Variants in TEX2 observed in about 807,000 individuals in gnomAD.
TEX2 encodes testis-expressed protein 2.
Under a neutral mutation model 106.9 loss-of-function variants are expected in TEX2, and 53 were observed. The ratio of observed to expected loss-of-function variants is 0.50; its 90% confidence interval spans 0.40 to 0.62. The LOEUF (loss-of-function observed/expected upper bound fraction) is 0.62, where lower values mean the gene tolerates loss of function less well. Among genes scored for constraint, TEX2 ranks in the 20% least tolerant of loss-of-function variants. The probability of loss-of-function intolerance (pLI) is 0.00; values close to 1 mark genes in which losing one functional copy is unlikely to be tolerated. For missense variants in TEX2, 1,207 were observed against 1,379.0 expected (o/e 0.88, Z 1.98); for synonymous variants, 523 against 534.8 (o/e 0.98, Z 0.30).
intron 5 of TEX2, among the ~76,000 whole-genome samples, chr17:64,181,011 CT>C (rs2031832296): frequency 1.3e-5 from 2 of 152,196 alleles, no homozygotes; most frequent in African/African-American, 4.8e-5. Context: ...GACCCTACTC[CT>C]GTGTGTTTCT....
At chr17:64,149,970 TTC>T (rs1362030865) in intron 11 of TEX2, 2 of 151,900 alleles carry the variant, frequency 1.3e-5, no homozygotes, top group African/African-American at 2.4e-5. Flanking sequence ...AGGCATGATG[TTC>T]TTTCCCCTCA....
intron 5 of TEX2, among the ~76,000 whole-genome samples, chr17:64,187,260 G>A (rs1213096319): frequency 6.6e-6 from 1 of 152,116 alleles, no homozygotes; most frequent in Non-Finnish European, 1.5e-5. Context: ...CAAAAGCACT[G>A]GGCATAGCCG....
chr17:64,236,750 T>C (rs555058832), intron 1 of TEX2, among the ~76,000 whole-genome samples: 5 of 152,314 alleles, frequency 3.3e-5, no homozygotes, highest in African/African-American at 1.2e-4. Context: ...TAAACTCTTA[T>C]TTTTCCCTCA....
intron 11 of TEX2, 160 bp from the exon 12 acceptor site, chr17:64,149,251 A>AC: frequency 1.4e-6 from 1 of 729,012 alleles, no homozygotes; most frequent in South Asian, 2.0e-5. Context: ...CATACTTTAG[A>AC]AAGAGTTGAG....
At chr17:64,211,701 C>T (rs1375273753) in intron 2 of TEX2, among the ~76,000 whole-genome samples, 3 of 151,318 alleles carry the variant, frequency 2.0e-5, no homozygotes, top group Non-Finnish European at 4.4e-5. Flanking sequence ...ATTTTGGTAT[C>T]CTTGGGGGGG....
chr17:64,228,929 TACACACACACACACACAC>T (rs57741930), intron 1 of TEX2, among the ~76,000 whole-genome samples: 15 of 146,648 alleles, frequency 1.0e-4, no homozygotes, highest in Non-Finnish European at 1.0e-4. Context: ...GACTGACAGG[TACACACACACACACACAC>T]ACACACACAC....
intron 2 of TEX2, among the ~76,000 whole-genome samples, chr17:64,207,824 C>T (rs534416528): frequency 7.1e-4 from 108 of 152,210 alleles, no homozygotes; most frequent in African/African-American, 2.5e-3. Context: ...CAAGCTCTGC[C>T]TCCCGGGTTC....
chr17:64,203,301 C>A (rs1466600905), intron 2 of TEX2, among the ~76,000 whole-genome samples: 2 of 152,222 alleles, frequency 1.3e-5, no homozygotes, highest in African/African-American at 4.8e-5. Flanking sequence ...TTTCAGTCCA[C>A]CTGTCATTCA....
intron 6 of TEX2, 78 bp from the exon 7 acceptor site, chr17:64,171,277 G>T: frequency 8.0e-7 from 1 of 1,245,520 alleles, no homozygotes; most frequent in Non-Finnish European, 1.2e-6. Flanking sequence ...ACATGCTTCC[G>T]GAGAGGATGG....
intron 4 of TEX2, among the ~76,000 whole-genome samples, chr17:64,192,180 T>C (rs1444818821): frequency 6.6e-6 from 1 of 152,236 alleles, no homozygotes; most frequent in African/African-American, 2.4e-5. Flanking sequence ...CTCAGTGTTA[T>C]GGGTTGAATT....
intron 5 of TEX2, among the ~76,000 whole-genome samples, chr17:64,178,530 T>A (rs2031705253): frequency 6.6e-6 from 1 of 151,960 alleles, no homozygotes; most frequent in Admixed American, 6.5e-5. Context: ...TGTTCTCCCA[T>A]CCTCTATCTG....
At position 64,205,283 on chromosome 17, in the gene TEX2, C is replaced by T. The variant is rs2032795267; in HGVS notation, c.1644+7291G>A. Among the ~76,000 whole-genome samples, 1 of 152,168 alleles carries T rather than the reference C, an allele frequency of 6.6e-6. No homozygotes were observed. The highest frequency in any genetic ancestry group is 2.1e-4 in the South Asian group (1 of 4,824). ...AGTGAGCCAAGATTGTGCCACTGCA[C>T]TCTAGCCTGAGCGACAGAGCGAGGC... On this transcript the variant is annotated intron_variant, in intron 2 of 11. Transcript: ENST00000584379. This position sits in a 1 kb window ranked among gnomAD's most constrained non-coding sequence, Gnocchi z 4.0.
intron 7 of TEX2, among the ~76,000 whole-genome samples, chr17:64,170,085 A>ACAT (rs143917598): frequency 4.3e-4 from 66 of 152,234 alleles, no homozygotes; most frequent in Middle Eastern, 3.4e-3. Context: ...ACAAATCCTT[A>ACAT]CATCATCATC....
intron 8 of TEX2, among the ~76,000 whole-genome samples, chr17:64,156,678 TC>T (rs1383527622): frequency 1.3e-5 from 2 of 152,200 alleles, no homozygotes; most frequent in African/African-American, 4.8e-5. Context: ...CAGAAGAGCA[TC>T]AGAGTTCTCC....
At chr17:64,239,578 T>C (rs1400185997) in intron 1 of TEX2, among the ~76,000 whole-genome samples, 2 of 152,034 alleles carry the variant, frequency 1.3e-5, no homozygotes, top group Non-Finnish European at 2.9e-5. Context: ...ACTTATTTTC[T>C]TAAGGAAATA....
At chr17:64,167,161 T>C (rs1598129761) in intron 7 of TEX2, among the ~76,000 whole-genome samples, 1 of 152,184 alleles carries the variant, frequency 6.6e-6, no homozygotes. Context: ...TTGAGACAGG[T>C]TGTGTGTGTT....
chr17:64,197,767 T>C (rs781929341), intron 2 of TEX2, among the ~76,000 whole-genome samples: 5 of 152,176 alleles, frequency 3.3e-5, no homozygotes, highest in Admixed American at 6.5e-5. Context: ...TCTTGCTATG[T>C]TGCCCAAGCT....
chr17:64,198,461 G>C (rs1469785742), intron 2 of TEX2, among the ~76,000 whole-genome samples: 1 of 151,928 alleles, frequency 6.6e-6, no homozygotes. Flanking sequence ...GCGGGGGGAA[G>C]TTGGAGCTGA....
At chr17:64,180,091 A>G (rs1167311745) in intron 5 of TEX2, among the ~76,000 whole-genome samples, 2 of 152,144 alleles carry the variant, frequency 1.3e-5, no homozygotes, top group African/African-American at 4.8e-5. Context: ...GTCCCATCCG[A>G]TTATTTATAC....
Sources: allele counts gnomAD v4.1 joint callset (sites outside exome capture counted in the v4.1 genomes callset), GRCh38; gene constraint gnomAD v4.1.1; non-coding constraint Gnocchi (gnomAD v3.1); transcripts MANE v1.5; gene names NCBI Gene and HGNC (gene_info 2026-07-23, HGNC 2026-07-21).